The following PPFIA2 variants were observed in gnomAD, a reference collection of about 807,000 sequenced individuals.
The protein encoded by PPFIA2 is PPFI scaffold protein A2.
A neutral mutation model predicts 175.5 loss-of-function variants in PPFIA2; 46 were observed. The ratio of observed to expected loss-of-function variants is 0.26; its 90% CI spans 0.21 to 0.34. PPFIA2 has a LOEUF of 0.34. PPFIA2 is among the 10% of genes least tolerant of loss of function. PPFIA2 has a pLI of 1.00. For synonymous variants in PPFIA2, 568 were observed against 511.4 expected, an observed-to-expected ratio of 1.11 and a Z score of -1.49; for missense variants, 1,179 against 1,506.1, an observed-to-expected ratio of 0.78 and a Z score of 3.60.
intron 4 of PPFIA2, among the ~76,000 whole-genome samples, chr12:81,554,403 C>T (rs921237085): frequency 6.6e-6 from 1 of 151,932 alleles, no homozygotes; most frequent in Admixed American, 6.6e-5. Flanking sequence ...GAACTGGGAA[C>T]CGAAATGTCA....
rs1050704734 is a variant in PPFIA2, at chr12:81,577,212, A to G, written c.303+99579T>C. ...CCCAAATAATGAGCTTAGTAAAATT[A>G]ACATTCCTCTGCTTAGAGGAAAACC... On this transcript the variant is annotated intron_variant, in intron 4 of 32. Transcript: ENST00000549396. Among the ~76,000 whole-genome samples, 9 of 151,880 alleles carry G rather than the reference A, an allele frequency of 5.9e-5. No individual in the cohort carries two copies. The East Asian group carries it at 1.7e-3, about 29-fold the overall frequency.
chr12:81,365,962 A>ATCCC (rs141006203), intron 14 of PPFIA2, among the ~76,000 whole-genome samples: 77 of 96,034 alleles, frequency 8.0e-4, no homozygotes, highest in South Asian at 2.7e-3. Context: ...ATCCCATACT[A>ATCCC]TCCCTCCCTC....
At chr12:81,566,361 A>C (rs2071281454) in intron 4 of PPFIA2, among the ~76,000 whole-genome samples, 1 of 151,884 alleles carries the variant, frequency 6.6e-6, no homozygotes. Flanking sequence ...ATCTGTACTA[A>C]GAAAATACAA....
intron 8 of PPFIA2, among the ~76,000 whole-genome samples, chr12:81,385,807 C>A (rs1006164798): frequency 6.6e-6 from 1 of 152,068 alleles, no homozygotes; most frequent in Non-Finnish European, 1.5e-5. Context: ...ATGATAGCTA[C>A]AGTTAATAAT....
At chr12:81,592,080 A>G (rs1326913512) in intron 4 of PPFIA2, among the ~76,000 whole-genome samples, 1 of 152,144 alleles carries the variant, frequency 6.6e-6, no homozygotes, top group East Asian at 1.9e-4. Flanking sequence ...TGGATGTGAG[A>G]CATGAAGTCA....
chr12:81,354,582 G>C (rs1319601913), intron 16 of PPFIA2, among the ~76,000 whole-genome samples: 1 of 151,896 alleles, frequency 6.6e-6, no homozygotes, highest in Non-Finnish European at 1.5e-5. Flanking sequence ...CTCCACAGAA[G>C]TATTGAGCCC....
intron 3 of PPFIA2, among the ~76,000 whole-genome samples, chr12:81,679,991 G>C (rs1044812188): frequency 6.6e-6 from 1 of 151,844 alleles, no homozygotes; most frequent in African/African-American, 2.4e-5. Flanking sequence ...TATTTTATCT[G>C]CAAAGTATAA....
At chr12:81,688,823 A>ATATG in intron 3 of PPFIA2, among the ~76,000 whole-genome samples, 1 of 147,174 alleles carries the variant, frequency 6.8e-6, no homozygotes, top group East Asian at 2.0e-4. Context: ...ATATATATAT[A>ATATG]TCTGCTTTTA....
chr12:81,417,103 C>T lies in PPFIA2; in HGVS notation c.646-11200G>A, dbSNP rs190574503. 5.9e-5 allele frequency among the ~76,000 whole-genome samples: 9 copies of T among 151,834 alleles called. No individual in the cohort carries two copies. The East Asian group carries it at 1.4e-3, about 23-fold the overall frequency. Reference sequence around the variant, plus strand: ...TTTAAAAAGATAAATCTGCCCTATTCTAATCATGTCTTTGTCTTCTGTTTA... The same window carrying T: ...TTTAAAAAGATAAATCTGCCCTATTTTAATCATGTCTTTGTCTTCTGTTTA... On this transcript the variant is annotated intron_variant, in intron 7 of 32. Transcript: ENST00000549396.
chr12:81,270,940 C>T (rs2038910888), intron 28 of PPFIA2: 1 of 152,088 alleles, frequency 6.6e-6, no homozygotes, highest in Admixed American at 6.5e-5. Flanking sequence ...TGAAAATAGC[C>T]AACTTATTTC....
intron 4 of PPFIA2, among the ~76,000 whole-genome samples, chr12:81,462,493 T>C (rs1171644258): frequency 2.7e-5 from 4 of 146,578 alleles, no homozygotes; most frequent in Non-Finnish European, 4.5e-5. Flanking sequence ...CTGTATTATA[T>C]ATTGTATTCT....
In PPFIA2 at chr12:81,445,731, TA is replaced by T. The variant is rs2051123879; in HGVS notation, c.406-12del. ...ATGCTCCAGTAATAGCTATTGGGTTTAACAGAAAATGCAATTATCTTATGAA... is the reference window on the plus strand; with the variant it reads ...ATGCTCCAGTAATAGCTATTGGGTTTACAGAAAATGCAATTATCTTATGAA... On this transcript the variant is annotated splice_polypyrimidine_tract_variant and intron_variant, in intron 5 of 32. Coordinates refer to ENST00000549396, the MANE Select transcript of PPFIA2 (RefSeq NM_003625.5). 6.2e-7 allele frequency: 1 copy of T among 1,607,248 alleles called. No individual in the cohort carries two copies. The highest frequency in any genetic ancestry group is 8.5e-7 in the Non-Finnish European group (1 of 1,177,064).
chr12:81,563,237 C>T (rs2070567684), intron 4 of PPFIA2, among the ~76,000 whole-genome samples: 1 of 152,068 alleles, frequency 6.6e-6, no homozygotes, highest in African/African-American at 2.4e-5. Context: ...GTCTGGGTCC[C>T]CCTTTCTTCT....
intron 8 of PPFIA2, among the ~76,000 whole-genome samples, chr12:81,392,793 T>C (rs2040392333): frequency 6.6e-6 from 1 of 152,034 alleles, no homozygotes; most frequent in South Asian, 2.1e-4. Context: ...CAAATATGTT[T>C]TGCTTTAATT....
At chr12:81,530,122 A>C (rs960882487) in intron 4 of PPFIA2, among the ~76,000 whole-genome samples, 3 of 152,026 alleles carry the variant, frequency 2.0e-5, no homozygotes, top group African/African-American at 7.2e-5. Flanking sequence ...GAACACAGCC[A>C]TGACCACCCA....
At chr12:81,587,195 T>G (rs1163722501) in intron 4 of PPFIA2, among the ~76,000 whole-genome samples, 1 of 151,996 alleles carries the variant, frequency 6.6e-6, no homozygotes, top group Non-Finnish European at 1.5e-5. Flanking sequence ...AATCCTCACA[T>G]GTAGAGGGAA....
At chr12:81,506,655 G>A (rs1253461804) in intron 4 of PPFIA2, among the ~76,000 whole-genome samples, 1 of 152,142 alleles carries the variant, frequency 6.6e-6, no homozygotes, top group African/African-American at 2.4e-5. Flanking sequence ...AAATGTGACA[G>A]AATATTCTAG....
At chr12:81,400,443 A>G (rs771947100) in intron 8 of PPFIA2, among the ~76,000 whole-genome samples, 1 of 152,142 alleles carries the variant, frequency 6.6e-6, no homozygotes, top group Non-Finnish European at 1.5e-5. Context: ...TTCTATAATA[A>G]AAATACTAGA....
At chr12:81,703,618 T>C (rs2076759399) in intron 3 of PPFIA2, among the ~76,000 whole-genome samples, 3 of 152,126 alleles carry the variant, frequency 2.0e-5, no homozygotes, top group Admixed American at 2.0e-4. Flanking sequence ...GTATGGATCA[T>C]GCCCTTCATT....
Sources: allele counts gnomAD v4.1 joint callset (sites outside exome capture counted in the v4.1 genomes callset), GRCh38; gene constraint gnomAD v4.1.1; transcripts MANE v1.5; gene names NCBI Gene and HGNC (gene_info 2026-07-23, HGNC 2026-07-21).